Variants in TOPBP1 observed in about 807,000 individuals in gnomAD.
TOPBP1 encodes DNA topoisomerase 2-binding protein 1.
TOPBP1 carries 28 observed loss-of-function variants against 167.7 expected under a neutral mutation model. The ratio of observed to expected loss-of-function variants is 0.17; its 90% CI spans 0.12 to 0.23. The LOEUF (loss-of-function observed/expected upper bound fraction) is 0.23, where lower values mean the gene tolerates loss of function less well. TOPBP1 is among the 10% of genes least tolerant of loss of function. The probability of loss-of-function intolerance (pLI) is 1.00; values close to 1 mark genes in which losing one functional copy is unlikely to be tolerated. For missense variants in TOPBP1, 1,554 were observed against 1,809.6 expected (o/e 0.86, Z 2.56); for synonymous variants, 598 against 611.4 (o/e 0.98, Z 0.32).
At chr3:133,638,242 T>C in intron 13 of TOPBP1, 80 bp from the exon 14 acceptor site, 2 of 1,339,582 alleles carry the variant, frequency 1.5e-6, no homozygotes, top group Non-Finnish European at 2.1e-6. Context: ...TAATATTTTA[T>C]ACTGTTTTCT....
intron 14 of TOPBP1, 131 bp downstream of exon 14, chr3:133,637,745 G>C: frequency 1.1e-6 from 1 of 942,492 alleles, no homozygotes; most frequent in Middle Eastern, 2.8e-4. Context: ...TTCAAACTCA[G>C]TAACATAAAT....
At chr3:133,633,731 T>C (rs546561692) in intron 14 of TOPBP1, among the ~76,000 whole-genome samples, 32 of 152,286 alleles carry the variant, frequency 2.1e-4, no homozygotes, top group African/African-American at 7.0e-4. Context: ...GTCAAGGCTA[T>C]AATGGGCTGT....
Position 133,659,042 on chromosome 3 carries a change from C to T in TOPBP1, c.193G>A (p.Gly65Ser), listed in dbSNP as rs377716917. Residue 65 changes from glycine (G) to serine (S), a missense_variant, in exon 3 of 28, where the codon GGC becomes AGC. Physicochemically the swap from Gly to Ser is moderately conservative, Grantham distance 56. Coordinates refer to ENST00000260810, the MANE Select transcript of TOPBP1 (RefSeq NM_007027.4). ...TTTTTGAGGTGATCAAAGACAACGC[C>T]ACTAAAAGGGTCACAGATATAAAGT... Reference protein sequence around the residue: ...RSLYICDPFSGVVFDHLKKLG... With the variant: ...RSLYICDPFSSVVFDHLKKLG... The T allele has an allele frequency of 1.2e-6, 2 of 1,600,686 alleles. No individual in the cohort carries two copies. The highest frequency in any genetic ancestry group is 1.7e-6 in the Non-Finnish European group (2 of 1,173,584).
chr3:133,657,969 G>A, intron 3 of TOPBP1, 28 bp from the exon 4 acceptor site: 1 of 1,496,670 alleles, frequency 6.7e-7, no homozygotes, highest in Non-Finnish European at 8.9e-7. Flanking sequence ...GTTTAAATGA[G>A]TTAAGAAGGA....
chr3:133,643,573 CTAAT>C (rs1168789869), intron 11 of TOPBP1, among the ~76,000 whole-genome samples: 3 of 152,054 alleles, frequency 2.0e-5, no homozygotes, highest in Admixed American at 6.6e-5. Flanking sequence ...CATACATCGA[CTAAT>C]TACATTAGGC....
chr3:133,609,451 A>G (rs1371870053), intron 25 of TOPBP1, among the ~76,000 whole-genome samples: 2 of 152,234 alleles, frequency 1.3e-5, no homozygotes, highest in African/African-American at 4.8e-5. Flanking sequence ...TTAGAATACA[A>G]CATGAAAGAC....
intron 8 of TOPBP1, among the ~76,000 whole-genome samples, chr3:133,651,922 G>A (rs1468940596): frequency 2.0e-5 from 3 of 152,126 alleles, no homozygotes; most frequent in Non-Finnish European, 4.4e-5. Context: ...ACACTTGGAT[G>A]ATAGTTTAAA....
chr3:133,613,655 T>C (rs1934757612), intron 23 of TOPBP1, among the ~76,000 whole-genome samples: 1 of 152,116 alleles, frequency 6.6e-6, no homozygotes, highest in African/African-American at 2.4e-5. Context: ...CAGATATAAA[T>C]GCATGAAGCC....
intron 14 of TOPBP1, 38 bp downstream of exon 14, chr3:133,637,838 A>G (rs1452333103): frequency 6.3e-7 from 1 of 1,596,684 alleles, no homozygotes; most frequent in African/African-American, 1.3e-5. Context: ...ATAAACGGTA[A>G]AACTGTTAAC....
intron 2 of TOPBP1, among the ~76,000 whole-genome samples, chr3:133,660,300 T>C (rs898171361): frequency 5.9e-5 from 9 of 152,216 alleles, no homozygotes; most frequent in African/African-American, 2.2e-4. Flanking sequence ...CGTGTTTTGC[T>C]TTTTTCTCTT....
chr3:133,627,566 ATTTC>A (rs1935309270), intron 16 of TOPBP1, among the ~76,000 whole-genome samples: 1 of 152,224 alleles, frequency 6.6e-6, no homozygotes, highest in Non-Finnish European at 1.5e-5. Flanking sequence ...TCCTGTCCTA[ATTTC>A]TTTATCAAAT....
chr3:133,618,243 G>C lies in TOPBP1; in HGVS notation c.3562C>G (p.Pro1188Ala), dbSNP rs750656821. ...QNLEDSPFQK[P>A]LHDSEIAKQA... ...TTAGCAATTTCTGAATCATGTAAAG[G>C]CTTTTGAAAAGGAGAATCCTCCAAG... Residue 1188 changes from proline to alanine, a missense_variant, in exon 21 of 28, where the codon CCT becomes GCT. By Grantham distance (27) the Pro-to-Ala change is conservative. Around this residue, in one of 3 missense-constraint regions of TOPBP1, gnomAD observed 351 missense variants for 432.9 expected, o/e 0.81. Coordinates refer to ENST00000260810, the MANE Select transcript of TOPBP1 (RefSeq NM_007027.4). The C allele has an allele frequency of 4.3e-6, 7 of 1,613,750 alleles. No individual in the cohort carries two copies. The highest frequency in any genetic ancestry group is 5.9e-6 in the Non-Finnish European group (7 of 1,179,814).
At chr3:133,606,386 T>C (rs1170186353) in intron 27 of TOPBP1, among the ~76,000 whole-genome samples, 1 of 151,780 alleles carries the variant, frequency 6.6e-6, no homozygotes, top group African/African-American at 2.4e-5. Context: ...AAGACCTAAA[T>C]AGAGACATTC....
intron 20 of TOPBP1, 27 bp from the exon 21 acceptor site, chr3:133,618,460 T>C (rs755291758): frequency 2.5e-6 from 4 of 1,599,470 alleles, no homozygotes; most frequent in Non-Finnish European, 3.4e-6. Flanking sequence ...ACAGTTTAAA[T>C]AAACAGCAAT....
At chr3:133,627,218 G>A (rs1334433003) in intron 16 of TOPBP1, among the ~76,000 whole-genome samples, 3 of 152,038 alleles carry the variant, frequency 2.0e-5, no homozygotes, top group Admixed American at 1.3e-4. Flanking sequence ...TGAGAGGACT[G>A]GCATTTAAAA....
chr3:133,651,173 T>C (rs1485530197), intron 8 of TOPBP1, among the ~76,000 whole-genome samples: 3 of 38,382 alleles, frequency 7.8e-5, no homozygotes, highest in East Asian at 9.4e-4. Context: ...GAATTTCCCT[T>C]TTTTTTTTTT....
rs772534718 is a variant in TOPBP1, at chr3:133,655,300, T to C, written c.732A>G (p.Gln244=). 1 of 1,427,340 alleles carries C rather than the reference T, an allele frequency of 7.0e-7. No homozygotes were observed. The highest frequency in any genetic ancestry group is 2.3e-5 in the Admixed American group (1 of 42,582). The allele number at this position is 1,427,340 out of a possible 1,614,324, so 88.4% of individuals were successfully genotyped here. The change falls in exon 6 of 28, where the codon CAA becomes CAG. Residue 244 remains glutamine (Q), a synonymous_variant. Coordinates refer to ENST00000260810, the MANE Select transcript of TOPBP1 (RefSeq NM_007027.4). ...KMNECTHLIV[Q]EPKGQKYECA... Reference sequence around the variant, plus strand: ...GAAACACAGTTTTACCTTTTGGTTCTTGCACAATGAGGTGTGTACATTCAT... The same window carrying C: ...GAAACACAGTTTTACCTTTTGGTTCCTGCACAATGAGGTGTGTACATTCAT...
Position 133,656,727 on chromosome 3 carries a change from G to T in TOPBP1, c.494C>A (p.Pro165His). 1 of 1,612,058 alleles carries T rather than the reference G, an allele frequency of 6.2e-7. No homozygotes were observed. The highest frequency in any genetic ancestry group is 1.1e-5 in the South Asian group (1 of 90,670). Residue 165 changes from proline to histidine, a missense_variant, in exon 5 of 28, where the codon CCT (proline) becomes CAT (histidine). By Grantham distance (77) the Pro-to-His change is moderately conservative. Around this residue, in one of 3 missense-constraint regions of TOPBP1, gnomAD observed 1,197 missense variants for 1,351.5 expected, o/e 0.89. Coordinates refer to ENST00000260810, the MANE Select transcript of TOPBP1 (RefSeq NM_007027.4). Reference sequence around the variant, plus strand: ...TTTTATCCAAGAGGGAAGCAAAATAGGTTTCTTCAGGTTTGCAGCAACTAA... The same window carrying T: ...TTTTATCCAAGAGGGAAGCAAAATATGTTTCTTCAGGTTTGCAGCAACTAA... The part of the protein sequence containing the change: ...KYLVAANLKK[P>H]ILLPSWIKTL...
intron 3 of TOPBP1, 31 bp from the exon 4 acceptor site, chr3:133,657,972 A>C (rs1936537666): frequency 8.1e-6 from 12 of 1,485,970 alleles, no homozygotes; most frequent in Non-Finnish European, 1.1e-5. Flanking sequence ...TAAATGAGTT[A>C]AGAAGGAAAA....
Sources: gnomAD v4.1 joint callset for allele counts (sites outside exome capture counted in the v4.1 genomes callset) on GRCh38, gnomAD v4.1.1 for gene constraint, gnomAD v4.1.1 regional missense constraint, MANE v1.5 for transcripts, NCBI Gene and HGNC (gene_info 2026-07-23, HGNC 2026-07-21) for gene names.